Variants in TMEM87B observed in about 807,000 individuals in gnomAD.
TMEM87B encodes the protein transmembrane protein 87B.
A neutral mutation model predicts 80.3 loss-of-function variants in TMEM87B; 83 were observed. The observed-to-expected ratio is 1.03, with a 90% CI of 0.87 to 1.24. The LOEUF (loss-of-function observed/expected upper bound fraction) is 1.24. TMEM87B is among the 50% of genes most tolerant of loss of function. The pLI is 0.00. For synonymous variants in TMEM87B, 219 were observed against 230.5 expected, an observed-to-expected ratio of 0.95 and a Z score of 0.45; for missense variants, 625 against 674.4, an observed-to-expected ratio of 0.93 and a Z score of 0.81.
At chr2:112,065,738 C>A (rs1678413107) in intron 3 of TMEM87B, among the ~76,000 whole-genome samples, 1 of 151,882 alleles carries the variant, frequency 6.6e-6, no homozygotes, top group South Asian at 2.1e-4. Context: ...CTCCACACCC[C>A]ATACCGGAAC....
intron 4 of TMEM87B, among the ~76,000 whole-genome samples, 174 bp downstream of exon 4, chr2:112,067,241 A>G (rs994906611): frequency 3.9e-5 from 6 of 152,226 alleles, no homozygotes; most frequent in Admixed American, 3.9e-4. Flanking sequence ...CTGTTTTATC[A>G]GGATTTTGAT....
intron 6 of TMEM87B, 88 bp from the exon 7 acceptor site, chr2:112,080,969 T>A: frequency 3.5e-6 from 4 of 1,133,346 alleles, no homozygotes; most frequent in Non-Finnish European, 5.2e-6. Flanking sequence ...TAGTGTGGTT[T>A]GTATTCTTGG....
chr2:112,096,590 C>G (rs1237810648), intron 11 of TMEM87B, among the ~76,000 whole-genome samples: 4 of 152,148 alleles, frequency 2.6e-5, no homozygotes, highest in Non-Finnish European at 1.5e-5. Flanking sequence ...GGTAGATGAC[C>G]TAACCTCTTA....
At chr2:112,110,698 A>G (rs1304148369) in intron 17 of TMEM87B, among the ~76,000 whole-genome samples, 1 of 151,040 alleles carries the variant, frequency 6.6e-6, no homozygotes, top group Admixed American at 6.6e-5. Flanking sequence ...GTGTTGTTTT[A>G]TTTTTCTTTT....
chr2:112,075,800 G>A (rs974923497), intron 5 of TMEM87B, among the ~76,000 whole-genome samples: 6 of 152,154 alleles, frequency 3.9e-5, no homozygotes, highest in African/African-American at 1.4e-4. Context: ...TAATGGAAAG[G>A]CACTCGCTCT....
At chr2:112,096,031 A>G (rs1015285547) in intron 11 of TMEM87B, among the ~76,000 whole-genome samples, 5 of 141,298 alleles carry the variant, frequency 3.5e-5, no homozygotes, top group African/African-American at 1.3e-4. Context: ...CCCCTTCCCT[A>G]TTTGTGTTCC....
chr2:112,097,354 C>G (rs56931482), intron 13 of TMEM87B, 63 bp downstream of exon 13: 39,806 of 1,338,572 alleles, frequency 0.03, 1,065 homozygotes, highest in African/African-American at 0.13. Context: ...GAATTTTGAA[C>G]AATTTAGTTT....
intron 17 of TMEM87B, among the ~76,000 whole-genome samples, chr2:112,108,156 T>TA (rs977071632): frequency 6.6e-6 from 1 of 152,122 alleles, no homozygotes. Context: ...TTTTTTTTTT[T>TA]AAAGGTAACC....
intron 9 of TMEM87B, among the ~76,000 whole-genome samples, chr2:112,088,514 A>T (rs1414471587): frequency 6.6e-6 from 1 of 152,176 alleles, no homozygotes; most frequent in African/African-American, 2.4e-5. Flanking sequence ...AGCTATGACC[A>T]CTAACTTAAT....
In TMEM87B at chr2:112,117,831, A is replaced by T. The variant is rs1680065595; in HGVS notation, c.*1688A>T. On this transcript the variant is annotated 3_prime_UTR_variant, in exon 19 of 19. Transcript: ENST00000283206. ...CCCCATTCCCCAAGTTTTGAGACAG[A>T]TTGACCCCCTACTCATTATGTGGCT... 1 of 152,152 alleles carries T rather than the reference A, an allele frequency of 6.6e-6. No homozygotes were observed. The highest frequency in any genetic ancestry group is 6.5e-5 in the Admixed American group (1 of 15,274). 9.4% of individuals were successfully genotyped at this position (152,152 alleles called of 1,614,324 possible). A position where few individuals can be genotyped will look rare whatever the true frequency, so the allele number is the denominator to read the frequency against.
intron 13 of TMEM87B, among the ~76,000 whole-genome samples, chr2:112,097,586 G>T (rs1412205059): frequency 6.6e-6 from 1 of 151,750 alleles, no homozygotes; most frequent in African/African-American, 2.4e-5. Context: ...ATTAGCGGGT[G>T]CCTGTAGTCC....
At chr2:112,094,412 C>T (rs1308231422) in intron 11 of TMEM87B, among the ~76,000 whole-genome samples, 2 of 152,070 alleles carry the variant, frequency 1.3e-5, no homozygotes, top group Non-Finnish European at 2.9e-5. Context: ...CTTCCTGCCT[C>T]AGCCTCCCAA....
intron 6 of TMEM87B, 97 bp from the exon 7 acceptor site, chr2:112,080,960 A>T: frequency 1.0e-6 from 1 of 994,094 alleles, no homozygotes; most frequent in Non-Finnish European, 1.6e-6. Context: ...AGCATTTGTT[A>T]GTGTGGTTTG....
intron 15 of TMEM87B, among the ~76,000 whole-genome samples, chr2:112,102,518 AC>A (rs1223845111): frequency 5.3e-5 from 8 of 151,788 alleles, no homozygotes; most frequent in Non-Finnish European, 1.2e-4. Context: ...ACATGGCAAA[AC>A]CCCCTCTTGA....
At chr2:112,069,425 G>A (rs1001143338) in intron 4 of TMEM87B, among the ~76,000 whole-genome samples, 1 of 152,014 alleles carries the variant, frequency 6.6e-6, no homozygotes, top group Non-Finnish European at 1.5e-5. Context: ...GCGGTATTTG[G>A]TTTTCTGTTC....
chr2:112,089,478 A>T (rs979829863), intron 9 of TMEM87B, 147 bp from the exon 10 acceptor site: 1 of 676,530 alleles, frequency 1.5e-6, no homozygotes, highest in African/African-American at 1.8e-5. Context: ...CCTGTTTCCT[A>T]AAACAAAGTA....
chr2:112,059,897 G>C, intron 1 of TMEM87B, 80 bp from the exon 2 acceptor site: 1 of 1,515,882 alleles, frequency 6.6e-7, no homozygotes, highest in Admixed American at 2.0e-5. Context: ...GCAAGGCTTA[G>C]AACTCTATAT....
intron 4 of TMEM87B, among the ~76,000 whole-genome samples, chr2:112,070,663 C>T (rs1335270559): frequency 1.3e-5 from 2 of 152,096 alleles, no homozygotes; most frequent in African/African-American, 2.4e-5. Context: ...TTCGGGCTCT[C>T]TTCTGGTTCC....
intron 14 of TMEM87B, among the ~76,000 whole-genome samples, chr2:112,099,086 A>T (rs1243186310): frequency 6.6e-6 from 1 of 152,180 alleles, no homozygotes; most frequent in African/African-American, 2.4e-5. Context: ...ATCAAGCTGG[A>T]AGGGAGAAGT....
Sources: gnomAD v4.1 joint callset for allele counts (sites outside exome capture counted in the v4.1 genomes callset) on GRCh38, gnomAD v4.1.1 for gene constraint, MANE v1.5 for transcripts, NCBI Gene and HGNC (gene_info 2026-07-23, HGNC 2026-07-21) for gene names.